The following OR7D4 variants were observed in gnomAD, a reference collection of about 807,000 sequenced individuals.
The protein encoded by OR7D4 is olfactory receptor 7D4.
For synonymous variants in OR7D4, 154 were observed against 158.4 expected, an observed-to-expected ratio of 0.97 and a Z score of 0.21; for missense variants, 319 against 377.1, an observed-to-expected ratio of 0.85 and a Z score of 1.27.
chr19:9,213,829 G>T lies in OR7D4; in HGVS notation c.*70C>A. 1 of 1,098,374 alleles carries T rather than the reference G, an allele frequency of 9.1e-7. No individual in the cohort carries two copies. The highest frequency in any genetic ancestry group is 1.3e-6 in the Non-Finnish European group (1 of 747,190). The allele number at this position is 1,098,374 out of a possible 1,614,324, so 68.0% of individuals were successfully genotyped here. On this transcript the variant is annotated 3_prime_UTR_variant, in exon 2 of 2. Coordinates refer to ENST00000641669, the MANE Select transcript of OR7D4 (RefSeq NM_001005191.3). Reference sequence around the variant, plus strand: ...ATTTTTTAAAAGAGAAAAAGAGCCGGATATTTAAACCCACAACATTTGCCT... The same window carrying T: ...ATTTTTTAAAAGAGAAAAAGAGCCGTATATTTAAACCCACAACATTTGCCT...
At chr19:9,217,241 C>T (rs1393786978) in intron 1 of OR7D4, among the ~76,000 whole-genome samples, 1 of 152,022 alleles carries the variant, frequency 6.6e-6, no homozygotes. Context: ...GAATGTTGGA[C>T]TAATATCAGG....
intron 1 of OR7D4, among the ~76,000 whole-genome samples, chr19:9,216,599 C>CT (rs910591449): frequency 3.5e-4 from 52 of 148,470 alleles, no homozygotes; most frequent in South Asian, 1.1e-3. Context: ...TGTTCTTTTG[C>CT]TTTTTTTTTT....
Position 9,210,438 on chromosome 19 carries a change from C to A in OR7D4, c.*3461G>T, listed in dbSNP as rs932712018. 1.3e-5 allele frequency: 2 copies of A among 152,252 alleles called. No individual in the cohort carries two copies. Among genetic ancestry groups the A allele is most frequent in the African/African-American group, 4.8e-5 (2 of 41,374 alleles). 9.4% of individuals were successfully genotyped at this position (152,252 alleles called of 1,614,324 possible). ...CCTGGGCAACATAGCAAGACTCCAT[C>A]TCTACAAAAAAATAAAATAAAATAA... On this transcript the variant is annotated 3_prime_UTR_variant, in exon 2 of 2. Coordinates refer to ENST00000641669, the MANE Select transcript of OR7D4 (RefSeq NM_001005191.3).
chr19:9,217,766 T>A (rs1170434462), intron 1 of OR7D4, among the ~76,000 whole-genome samples: 1 of 152,186 alleles, frequency 6.6e-6, no homozygotes, highest in Non-Finnish European at 1.5e-5. Context: ...CTCGAACTAC[T>A]GACCTCAAGT....
chr19:9,213,110 C>T lies in OR7D4; in HGVS notation c.*789G>A, dbSNP rs2051183028. 6.6e-6 allele frequency: 1 copy of T among 152,188 alleles called. No homozygotes were observed. Among genetic ancestry groups the T allele is most frequent in the Non-Finnish European group, 1.5e-5 (1 of 68,042 alleles). The allele number at this position is 152,188 out of a possible 1,614,324, so 9.4% of individuals were successfully genotyped here. ...AGACATGTAAAGCAACAAGCACTGT[C>T]CTGATATTGTAAACATTTTATACGA... On this transcript the variant is annotated 3_prime_UTR_variant, in exon 2 of 2. Transcript: ENST00000641669.
rs765831920 is a variant in OR7D4 at position 9,214,820 on chromosome 19, A to G, written c.18T>C (p.Leu6=). 3 of 1,604,458 alleles carry G rather than the reference A, an allele frequency of 1.9e-6. No homozygotes were observed. The South Asian group carries it at 3.3e-5, about 18-fold the overall frequency. The change falls in exon 2 of 2, where the codon CTT becomes CTC. Residue 6 remains leucine (L), a synonymous_variant. Coordinates refer to ENST00000641669, the MANE Select transcript of OR7D4 (RefSeq NM_001005191.3). MEAEN[L]TELSKFLLLG... ...GGAGGAGAAATTTTGATAATTCTGT[A>G]AGGTTTTCTGCTTCCATGTAGCTGT... is the stretch of plus-strand genomic sequence containing the variant.
In OR7D4 at chr19:9,212,410, C is replaced by G. The variant is rs1834109604; in HGVS notation, c.*1489G>C. On this transcript the variant is annotated 3_prime_UTR_variant, in exon 2 of 2. Coordinates refer to ENST00000641669, the MANE Select transcript of OR7D4 (RefSeq NM_001005191.3). ...TACTGGCTACCAAATTTGCAGGATG[C>G]AAATTAGGATTAGTATGCATTCCAA... is the stretch of plus-strand genomic sequence containing the variant. 6.6e-6 allele frequency: 1 copy of G among 151,898 alleles called. No individual in the cohort carries two copies. Among genetic ancestry groups the G allele is most frequent in the South Asian group, 2.1e-4 (1 of 4,804 alleles). The allele number at this position is 151,898 out of a possible 1,614,324, so 9.4% of individuals were successfully genotyped here.
chr19:9,211,731 C>A lies in OR7D4; in HGVS notation c.*2168G>T, dbSNP rs949980130. On this transcript the variant is annotated 3_prime_UTR_variant, in exon 2 of 2. Coordinates refer to ENST00000641669, the MANE Select transcript of OR7D4 (RefSeq NM_001005191.3). ...TGGTGGCGTGCGCCTGTAATCCCAGCGCCACTGTGCTCTAGCCTGGGCGAC... is the reference window on the plus strand; with the variant it reads ...TGGTGGCGTGCGCCTGTAATCCCAGAGCCACTGTGCTCTAGCCTGGGCGAC... 1.4e-5 allele frequency: 2 copies of A among 146,670 alleles called. No homozygotes were observed. The highest frequency in any genetic ancestry group is 5.0e-5 in the African/African-American group (2 of 39,610). The allele number at this position is 146,670 out of a possible 1,614,324, so 9.1% of individuals were successfully genotyped here.
Position 9,213,557 on chromosome 19 carries a change from G to T in OR7D4, c.*342C>A. 3.7e-6 allele frequency: 1 copy of T among 269,890 alleles called. No homozygotes were observed. The highest frequency in any genetic ancestry group is 7.1e-6 in the Non-Finnish European group (1 of 140,442). The allele number at this position is 269,890 out of a possible 1,614,324, so 16.7% of individuals were successfully genotyped here. A position where few individuals can be genotyped will look rare whatever the true frequency, so the allele number is the denominator to read the frequency against. ...GTTCCAGACCAGCCTGAACAGTATG[G>T]TGGAACCCTGTCTCTACTAAAAATA... On this transcript the variant is annotated 3_prime_UTR_variant, in exon 2 of 2. Coordinates refer to ENST00000641669, the MANE Select transcript of OR7D4 (RefSeq NM_001005191.3).
Position 9,214,438 on chromosome 19 carries a change from C to T in OR7D4, c.400G>A (p.Val134Ile), listed in dbSNP as rs983977884. 3.1e-6 allele frequency: 5 copies of T among 1,614,010 alleles called. No individual in the cohort carries two copies. Among genetic ancestry groups the T allele is most frequent in the Non-Finnish European group, 2.5e-6 (3 of 1,180,036 alleles). The change falls in exon 2 of 2, where the codon GTC becomes ATC. Residue 134 changes from valine (V) to isoleucine (I), a missense_variant. By Grantham distance (29) the Val-to-Ile change is conservative. Transcript: ENST00000641669. ...VAICHPLHYTVIMNPCLCGLL... is the reference protein window; with the variant it reads ...VAICHPLHYTIIMNPCLCGLL... ...CCACAGAGGCAGGGGTTCATGATGA[C>T]CGTGTAGTGCAGTGGGTGGCAGATG...
At chr19:9,217,526 T>C (rs997652813) in intron 1 of OR7D4, among the ~76,000 whole-genome samples, 1 of 152,024 alleles carries the variant, frequency 6.6e-6, no homozygotes, top group African/African-American at 2.4e-5. Flanking sequence ...AGAGGAAGAA[T>C]GGATCATTGG....
chr19:9,215,867 C>T (rs1168053296), intron 1 of OR7D4, among the ~76,000 whole-genome samples: 2 of 152,114 alleles, frequency 1.3e-5, no homozygotes, highest in Non-Finnish European at 2.9e-5. Context: ...ATGCATTAGT[C>T]TGTTTTCACT....
chr19:9,218,150 A>G (rs2051230612), intron 1 of OR7D4, among the ~76,000 whole-genome samples: 1 of 152,256 alleles, frequency 6.6e-6, no homozygotes. Context: ...GATTCTGAGC[A>G]AGTACAAATT....
At chr19:9,217,583 G>C (rs2051224045) in intron 1 of OR7D4, among the ~76,000 whole-genome samples, 1 of 152,166 alleles carries the variant, frequency 6.6e-6, no homozygotes, top group Non-Finnish European at 1.5e-5. Context: ...CTGTTGCCCA[G>C]GCTGGAGTAT....
rs2051168183 is a variant in OR7D4, at chr19:9,210,721, C to G, written c.*3178G>C. On this transcript the variant is annotated 3_prime_UTR_variant, in exon 2 of 2. Transcript: ENST00000641669. ...ACACACACACACAACACACACAACA[C>G]AGAGTCTACACTAGGGAGTTCTCCG... 6.7e-6 allele frequency: 1 copy of G among 150,266 alleles called. No individual in the cohort carries two copies. The highest frequency in any genetic ancestry group is 2.5e-5 in the African/African-American group (1 of 40,162). The allele number at this position is 150,266 out of a possible 1,614,324, so 9.3% of individuals were successfully genotyped here.
chr19:9,215,135 G>A (rs2051202317), intron 1 of OR7D4, among the ~76,000 whole-genome samples: 1 of 152,122 alleles, frequency 6.6e-6, no homozygotes. Context: ...ACGAGGTCAA[G>A]AGATTGAGAC....
In OR7D4 at chr19:9,212,498, A is replaced by T. The variant is rs1359771204; in HGVS notation, c.*1401T>A. On this transcript the variant is annotated 3_prime_UTR_variant, in exon 2 of 2. Transcript: ENST00000641669. ...AATGATAATATCTTTATGATATAGA[A>T]TACAATGGCCCGGAAATCAAGAGTT... 1 of 152,152 alleles carries T rather than the reference A, an allele frequency of 6.6e-6. No individual in the cohort carries two copies. The highest frequency in any genetic ancestry group is 1.5e-5 in the Non-Finnish European group (1 of 68,026). 9.4% of individuals were successfully genotyped at this position (152,152 alleles called of 1,614,324 possible). A position where few individuals can be genotyped will look rare whatever the true frequency, so the allele number is the denominator to read the frequency against.
chr19:9,215,681 C>T (rs180828898), intron 1 of OR7D4, among the ~76,000 whole-genome samples: 8 of 152,190 alleles, frequency 5.3e-5, no homozygotes, highest in South Asian at 4.1e-4. Context: ...GCCATATGCA[C>T]GGTAGGAATA....
intron 1 of OR7D4, among the ~76,000 whole-genome samples, chr19:9,217,835 G>A (rs8104335): frequency 0.12 from 18,022 of 152,024 alleles, 1,758 homozygotes; most frequent in African/African-American, 0.26. Context: ...TACTGCACCT[G>A]GCCGGATCAT....
Sources: gnomAD v4.1 joint callset for allele counts (sites outside exome capture counted in the v4.1 genomes callset) on GRCh38, gnomAD v4.1.1 for gene constraint, MANE v1.5 for transcripts, NCBI Gene and HGNC (gene_info 2026-07-23, HGNC 2026-07-21) for gene names.